DLG2: variants seen among roughly 807,000 people sequenced by gnomAD.
DLG2 encodes the protein discs large MAGUK scaffold protein 2.
Under a neutral mutation model 132.5 loss-of-function variants are expected in DLG2, and 45 were observed. The observed-to-expected ratio is 0.34, with a 90% confidence interval of 0.27 to 0.44. DLG2 has a LOEUF of 0.44. Among genes scored for constraint, DLG2 ranks in the 20% least tolerant of loss-of-function variants. The pLI, the probability that DLG2 is intolerant of heterozygous loss-of-function variation, is 1.00. For synonymous variants in DLG2, 424 were observed against 419.6 expected, an observed-to-expected ratio of 1.01 and a Z score of -0.13; for missense variants, 1,045 against 1,196.9, an observed-to-expected ratio of 0.87 and a Z score of 1.87.
intron 8 of DLG2, 44 bp downstream of exon 8, chr11:84,251,194 C>A: frequency 7.9e-7 from 1 of 1,267,700 alleles, no homozygotes; most frequent in Non-Finnish European, 1.1e-6. Context: ...CAATTAAGTT[C>A]TACCACAGTT....
intron 8 of DLG2, among the ~76,000 whole-genome samples, chr11:84,185,464 A>G (rs1596953048): frequency 6.6e-6 from 1 of 152,174 alleles, no homozygotes; most frequent in Non-Finnish European, 1.5e-5. Context: ...GCTTAAGGAG[A>G]TTTTGGGCTG....
chr11:85,287,024 T>C (rs1322147278), intron 3 of DLG2, among the ~76,000 whole-genome samples: 1 of 152,000 alleles, frequency 6.6e-6, no homozygotes, highest in East Asian at 1.9e-4. Flanking sequence ...TATTGGATTA[T>C]AACACAAAAT....
At chr11:84,501,697 A>G (rs1282417240) in intron 7 of DLG2, among the ~76,000 whole-genome samples, 4 of 152,234 alleles carry the variant, frequency 2.6e-5, no homozygotes, top group African/African-American at 9.6e-5. Context: ...CAATGCAAAT[A>G]TAAAGTAGAT....
At chr11:84,523,425 T>C (rs1436304291) in intron 7 of DLG2, among the ~76,000 whole-genome samples, 1 of 152,226 alleles carries the variant, frequency 6.6e-6, no homozygotes, top group Non-Finnish European at 1.5e-5. Context: ...CACTATATGC[T>C]ATTACTTTTC....
intron 5 of DLG2, among the ~76,000 whole-genome samples, chr11:85,152,932 CAG>C (rs2077352497): frequency 1.3e-5 from 2 of 152,294 alleles, no homozygotes; most frequent in Admixed American, 6.5e-5. Context: ...CAGCAGAAAA[CAG>C]AGTCTAGCCA....
intron 7 of DLG2, among the ~76,000 whole-genome samples, chr11:84,303,239 A>G (rs1017624019): frequency 3.3e-5 from 5 of 152,240 alleles, no homozygotes; most frequent in Non-Finnish European, 7.3e-5. Flanking sequence ...TCAGTGTGTA[A>G]ACATAATCAA....
chr11:83,882,136 T>C (rs140063686), intron 15 of DLG2, among the ~76,000 whole-genome samples: 230 of 152,300 alleles, frequency 1.5e-3, no homozygotes, highest in African/African-American at 5.3e-3. Context: ...CCCAGGTTTC[T>C]GGCCTTACAA....
At chr11:84,819,983 A>C (rs762528307) in intron 6 of DLG2, among the ~76,000 whole-genome samples, 11 of 151,170 alleles carry the variant, frequency 7.3e-5, no homozygotes, top group Non-Finnish European at 1.5e-4. Flanking sequence ...TAGGATTTCC[A>C]GGAAAAATTC....
chr11:84,203,438 T>C (rs1011416461), intron 8 of DLG2, among the ~76,000 whole-genome samples: 12 of 151,674 alleles, frequency 7.9e-5, no homozygotes, highest in African/African-American at 2.9e-4. Context: ...AAAAATTAGC[T>C]GGGCGTGGTG....
At chr11:84,459,590 C>G (rs1218252863) in intron 7 of DLG2, among the ~76,000 whole-genome samples, 1 of 150,234 alleles carries the variant, frequency 6.7e-6, no homozygotes, top group Non-Finnish European at 1.5e-5. Context: ...ATATGGGCTG[C>G]CCCATAATTT....
intron 3 of DLG2, chr11:85,286,078 G>GA (rs747939690): frequency 3.4e-4 from 146 of 428,988 alleles, no homozygotes; most frequent in Admixed American, 7.3e-4. Context: ...AAGTCAACAG[G>GA]AAAAAAAAAG....
At chr11:85,501,633 G>C (rs981979184) in intron 3 of DLG2, among the ~76,000 whole-genome samples, 5 of 152,156 alleles carry the variant, frequency 3.3e-5, no homozygotes, top group African/African-American at 1.2e-4. Context: ...CTTCTCAAAA[G>C]AAGACATTTA....
intron 17 of DLG2, among the ~76,000 whole-genome samples, chr11:83,815,834 G>T (rs1379711885): frequency 6.6e-6 from 1 of 152,162 alleles, no homozygotes; most frequent in East Asian, 1.9e-4. Context: ...CAGTAAAAAG[G>T]CTTCTTCTTT....
intron 3 of DLG2, among the ~76,000 whole-genome samples, chr11:85,581,683 C>T (rs1353263431): frequency 2.0e-5 from 3 of 152,084 alleles, no homozygotes; most frequent in Non-Finnish European, 4.4e-5. Flanking sequence ...CCTGCTAGGA[C>T]TATGACTGAT....
chr11:83,963,926 T>C (rs2089562529), intron 13 of DLG2, among the ~76,000 whole-genome samples: 1 of 152,014 alleles, frequency 6.6e-6, no homozygotes, highest in Non-Finnish European at 1.5e-5. Flanking sequence ...CAAAGACAGA[T>C]GATGTATCTC....
intron 21 of DLG2, among the ~76,000 whole-genome samples, chr11:83,515,974 T>C (rs1023182268): frequency 3.3e-5 from 5 of 152,312 alleles, no homozygotes; most frequent in African/African-American, 1.2e-4. Context: ...ATAGGTGTGG[T>C]GTGGTGCTGA....
At chr11:85,191,267 C>T (rs1249334628) in intron 4 of DLG2, among the ~76,000 whole-genome samples, 1 of 149,444 alleles carries the variant, frequency 6.7e-6, no homozygotes, top group Non-Finnish European at 1.5e-5. Context: ...CGTAACTTTC[C>T]GTACTCTTTG....
At chr11:85,291,876 C>T (rs144317354) in intron 3 of DLG2, among the ~76,000 whole-genome samples, 12 of 152,208 alleles carry the variant, frequency 7.9e-5, no homozygotes, top group Non-Finnish European at 1.0e-4. Flanking sequence ...TAAGCCACCA[C>T]GCCTGGCCAG....
chr11:83,918,721 A>G (rs2077333292), intron 15 of DLG2, among the ~76,000 whole-genome samples: 1 of 151,900 alleles, frequency 6.6e-6, no homozygotes. Context: ...CTGAGGAAAG[A>G]GGCCTCAGCT....
Sources: allele counts gnomAD v4.1 joint callset (sites outside exome capture counted in the v4.1 genomes callset), GRCh38; gene constraint gnomAD v4.1.1; transcripts MANE v1.5; gene names NCBI Gene and HGNC (gene_info 2026-07-23, HGNC 2026-07-21).